The following MALT1 variants were observed in gnomAD, a reference collection of about 807,000 sequenced individuals.
The protein encoded by MALT1 is mucosa-associated lymphoid tissue lymphoma translocation protein 1.
A neutral mutation model predicts 85.5 loss-of-function variants in MALT1; 36 were observed. The observed-to-expected ratio is 0.42, with a 90% CI of 0.32 to 0.56. The LOEUF is 0.56. Among genes scored for constraint, MALT1 ranks in the 20% least tolerant of loss-of-function variants. The probability of loss-of-function intolerance (pLI) is 0.10; values close to 1 mark genes in which losing one functional copy is unlikely to be tolerated. For synonymous variants in MALT1, 359 were observed against 361.3 expected (o/e 0.99, Z 0.07); for missense variants, 716 against 981.6 (o/e 0.73, Z 3.62).
intron 1 of MALT1, among the ~76,000 whole-genome samples, chr18:58,679,593 G>A (rs561094675): frequency 5.9e-5 from 9 of 152,218 alleles, no homozygotes; most frequent in South Asian, 4.1e-4. Flanking sequence ...TCGATCTGTC[G>A]CCCAAGCTGG....
chr18:58,676,543 A>G (rs2054243103), intron 1 of MALT1, among the ~76,000 whole-genome samples: 1 of 152,124 alleles, frequency 6.6e-6, no homozygotes, highest in African/African-American at 2.4e-5. Context: ...TCAGGCTGAG[A>G]TGGTCTCCAC....
chr18:58,673,640 A>G (rs949551102), intron 1 of MALT1, among the ~76,000 whole-genome samples: 1 of 152,104 alleles, frequency 6.6e-6, no homozygotes, highest in Non-Finnish European at 1.5e-5. Flanking sequence ...TATTTTTAGT[A>G]AAGACGGGGT....
chr18:58,701,515 A>G (rs2054672349), intron 4 of MALT1, among the ~76,000 whole-genome samples: 1 of 152,174 alleles, frequency 6.6e-6, no homozygotes, highest in Non-Finnish European at 1.5e-5. Flanking sequence ...GTGTAGGGAT[A>G]AGGAGTTCCC....
In MALT1 at chr18:58,671,862, G is replaced by A. The variant is rs1602263445; in HGVS notation, c.209+10G>A. 8.2e-7 allele frequency: 1 copy of A among 1,218,744 alleles called. No homozygotes were observed. The highest frequency in any genetic ancestry group is 1.6e-5 in the African/African-American group (1 of 63,754). 75.5% of individuals were successfully genotyped at this position (1,218,744 alleles called of 1,614,324 possible). A position where few individuals can be genotyped will look rare whatever the true frequency, so the allele number is the denominator to read the frequency against. On this transcript the variant is annotated intron_variant, in intron 1 of 16. Transcript: ENST00000649217. ...GGCGCCTCCGCCTCAGGTGAGCTCA[G>A]GGCCGCGGCAGGCCGGGCGCGCGGG... is the stretch of plus-strand genomic sequence containing the variant.
Position 58,671,869 on chromosome 18 carries a change from G to C in MALT1, c.209+17G>C. ...CCGCCTCAGGTGAGCTCAGGGCCGC[G>C]GCAGGCCGGGCGCGCGGGTCGAGCG... On this transcript the variant is annotated intron_variant, in intron 1 of 16. Coordinates refer to ENST00000649217, the MANE Select transcript of MALT1 (RefSeq NM_006785.4). The C allele has an allele frequency of 8.2e-7, 1 of 1,215,662 alleles. No homozygotes were observed. Among genetic ancestry groups the C allele is most frequent in the Non-Finnish European group, 1.0e-6 (1 of 977,566 alleles). The allele number at this position is 1,215,662 out of a possible 1,614,324, so 75.3% of individuals were successfully genotyped here.
intron 14 of MALT1, among the ~76,000 whole-genome samples, chr18:58,743,101 G>A (rs2055324135): frequency 6.6e-6 from 1 of 152,100 alleles, no homozygotes; most frequent in Non-Finnish European, 1.5e-5. Context: ...TTGGCCAGGT[G>A]TGGTGGCTCA....
At chr18:58,694,243 A>C (rs1413445942) in intron 2 of MALT1, among the ~76,000 whole-genome samples, 1 of 152,184 alleles carries the variant, frequency 6.6e-6, no homozygotes, top group East Asian at 1.9e-4. Context: ...GAGGCCCTCA[A>C]ATGTGCTAGG....
At chr18:58,732,450 T>C (rs1315540128) in intron 10 of MALT1, among the ~76,000 whole-genome samples, 1 of 152,188 alleles carries the variant, frequency 6.6e-6, no homozygotes, top group East Asian at 1.9e-4. Flanking sequence ...AGACTCTAGA[T>C]GGAAGATTGA....
intron 8 of MALT1, among the ~76,000 whole-genome samples, chr18:58,714,924 G>T (rs1292740193): frequency 6.6e-6 from 1 of 152,138 alleles, no homozygotes; most frequent in East Asian, 1.9e-4. Flanking sequence ...TTACTAGTTT[G>T]CTTAGTGTCA....
chr18:58,698,091 G>A (rs564198019), intron 3 of MALT1, among the ~76,000 whole-genome samples: 11 of 138,398 alleles, frequency 7.9e-5, no homozygotes, highest in African/African-American at 2.4e-4. Flanking sequence ...TTTTTGAGAT[G>A]GAGTCTCGCT....
At chr18:58,721,445 A>G (rs1195912154) in intron 9 of MALT1, among the ~76,000 whole-genome samples, 1 of 152,220 alleles carries the variant, frequency 6.6e-6, no homozygotes, top group African/African-American at 2.4e-5. Flanking sequence ...CATGCTGAGT[A>G]TTCTCCGCTT....
intron 3 of MALT1, among the ~76,000 whole-genome samples, chr18:58,698,154 C>T (rs1346997283): frequency 6.6e-6 from 1 of 151,202 alleles, no homozygotes; most frequent in African/African-American, 2.4e-5. Context: ...GCAACCTCCA[C>T]CTCCCCGGTT....
intron 8 of MALT1, among the ~76,000 whole-genome samples, chr18:58,714,551 A>G (rs2054874180): frequency 6.6e-6 from 1 of 152,160 alleles, no homozygotes; most frequent in Non-Finnish European, 1.5e-5. Flanking sequence ...GTGGGTGCCT[A>G]TATCTGGAGT....
intron 1 of MALT1, among the ~76,000 whole-genome samples, chr18:58,678,558 C>G (rs766456671): frequency 4.6e-5 from 7 of 151,952 alleles, no homozygotes; most frequent in Admixed American, 2.0e-4. Flanking sequence ...TTTCTTCATG[C>G]TCATGAAGAA....
At chr18:58,716,438 T>C (rs1361561506) in intron 9 of MALT1, among the ~76,000 whole-genome samples, 4 of 152,266 alleles carry the variant, frequency 2.6e-5, no homozygotes, top group African/African-American at 9.6e-5. Context: ...GAGAAAACTT[T>C]AGCAGATAAA....
intron 1 of MALT1, among the ~76,000 whole-genome samples, chr18:58,678,470 TACAC>T (rs965693653): frequency 6.6e-6 from 1 of 152,158 alleles, no homozygotes; most frequent in African/African-American, 2.4e-5. Context: ...TGTGTGTGTA[TACAC>T]ACACATATAT....
intron 10 of MALT1, among the ~76,000 whole-genome samples, chr18:58,725,464 T>C (rs536923268): frequency 6.6e-6 from 1 of 152,306 alleles, no homozygotes; most frequent in Non-Finnish European, 1.5e-5. Context: ...TCCCAAGTCT[T>C]TCGGATAAAG....
chr18:58,678,119 G>T (rs895832349), intron 1 of MALT1, among the ~76,000 whole-genome samples: 1 of 152,176 alleles, frequency 6.6e-6, no homozygotes, highest in East Asian at 1.9e-4. Flanking sequence ...CTATGAGGTA[G>T]ATAATATTAC....
chr18:58,745,920 C>T, intron 16 of MALT1, 129 bp downstream of exon 16: 1 of 761,682 alleles, frequency 1.3e-6, no homozygotes, highest in Non-Finnish European at 2.1e-6. Flanking sequence ...AAGGTCCTAT[C>T]AGTGACCCTT....
Sources: allele counts gnomAD v4.1 joint callset (sites outside exome capture counted in the v4.1 genomes callset), GRCh38; gene constraint gnomAD v4.1.1; transcripts MANE v1.5; gene names NCBI Gene and HGNC (gene_info 2026-07-23, HGNC 2026-07-21).